TMEM196: variants seen among roughly 807,000 people sequenced by gnomAD.
The protein encoded by TMEM196 is transmembrane protein 196.
Under a neutral mutation model 20.0 loss-of-function variants are expected in TMEM196, and 17 were observed. That is an observed-to-expected ratio of 0.85 (90% CI 0.58 to 1.27). The LOEUF (loss-of-function observed/expected upper bound fraction) is 1.27, where lower values mean the gene tolerates loss of function less well. Among genes scored for constraint, TMEM196 ranks in the 50% most tolerant of loss-of-function variants. The pLI is 0.00. For synonymous variants in TMEM196, 113 were observed against 88.9 expected (o/e 1.27, Z -1.52); for missense variants, 267 against 223.0 (o/e 1.20, Z -1.26).
chr7:19,733,259 T>C (rs1784277267), intron 1 of TMEM196, among the ~76,000 whole-genome samples: 3 of 152,210 alleles, frequency 2.0e-5, no homozygotes. Flanking sequence ...GGATTTTCTT[T>C]ATGTAAAGTC....
intron 1 of TMEM196, among the ~76,000 whole-genome samples, chr7:19,758,840 A>G (rs948256255): frequency 2.0e-5 from 3 of 152,132 alleles, no homozygotes; most frequent in African/African-American, 7.2e-5. Context: ...ATCTTCACTC[A>G]TACTTGACTT....
chr7:19,755,498 T>C (rs942482421), intron 1 of TMEM196, among the ~76,000 whole-genome samples: 1 of 152,130 alleles, frequency 6.6e-6, no homozygotes, highest in Non-Finnish European at 1.5e-5. Flanking sequence ...GAAATCCCAC[T>C]AATAAAAAGT....
intron 2 of TMEM196, among the ~76,000 whole-genome samples, chr7:19,725,982 CCA>C (rs1351918373): frequency 2.6e-5 from 4 of 152,098 alleles, no homozygotes; most frequent in Admixed American, 2.0e-4. Flanking sequence ...AGGGAGTATA[CCA>C]CAGTGTTTCA....
In TMEM196 at chr7:19,773,068, CTCCGCAGGGAAA is replaced by C; in HGVS notation, c.-384_-373del. The stretch of plus-strand genomic sequence containing the variant: ...TCCAGAGTTCTGCCGCGTCCCAAAT[CTCCGCAGGGAAA>C]CCCGCGCCCTCCTCAGCCTACTAGA... On this transcript the variant is annotated 5_prime_UTR_variant, in exon 1 of 5. Transcript: ENST00000405844. 5.7e-6 allele frequency: 1 copy of C among 176,250 alleles called. No individual in the cohort carries two copies. The highest frequency in any genetic ancestry group is 1.5e-4 in the East Asian group (1 of 6,838). 10.9% of individuals were successfully genotyped at this position (176,250 alleles called of 1,614,324 possible). A position where few individuals can be genotyped will look rare whatever the true frequency, so the allele number is the denominator to read the frequency against.
At chr7:19,762,874 G>A (rs1785489853) in intron 1 of TMEM196, among the ~76,000 whole-genome samples, 1 of 152,164 alleles carries the variant, frequency 6.6e-6, no homozygotes, top group Admixed American at 6.5e-5. Context: ...ACAGATGAAT[G>A]TTCATCCAAC....
chr7:19,728,847 A>G (rs902583070), intron 2 of TMEM196, among the ~76,000 whole-genome samples: 1 of 152,238 alleles, frequency 6.6e-6, no homozygotes, highest in Admixed American at 6.5e-5. Flanking sequence ...TAGTACCATA[A>G]AACATCTGAA....
chr7:19,753,780 T>A (rs1046212419), intron 1 of TMEM196, among the ~76,000 whole-genome samples: 1 of 152,202 alleles, frequency 6.6e-6, no homozygotes, highest in Non-Finnish European at 1.5e-5. Flanking sequence ...GCCTACCTCT[T>A]CAAGCTCCCT....
intron 1 of TMEM196, among the ~76,000 whole-genome samples, chr7:19,750,561 A>G (rs918617948): frequency 6.6e-6 from 1 of 152,162 alleles, no homozygotes; most frequent in Non-Finnish European, 1.5e-5. Flanking sequence ...GGGGTTGTAA[A>G]TACTTTTAAG....
intron 1 of TMEM196, among the ~76,000 whole-genome samples, chr7:19,745,475 C>T (rs1409355067): frequency 6.6e-6 from 1 of 151,814 alleles, no homozygotes; most frequent in East Asian, 1.9e-4. Flanking sequence ...TTCACCTTTC[C>T]CTGAAGATTC....
Position 19,725,652 on chromosome 7 carries a change from G to A in TMEM196, c.321C>T (p.Ser107=). ...CGATCCCAATGCACGCGAGAGACAT[G>A]GAGGCAAGGTGCAGTGGGTATAGGG... is the stretch of plus-strand genomic sequence containing the variant. ...TSSLYPLHLA[S]MSLACIGIGG... is the part of the protein sequence containing the mutation. The change falls in exon 3 of 5, where the codon TCC becomes TCT. Residue 107 remains serine (S), a synonymous_variant. Coordinates refer to ENST00000405844, the MANE Select transcript of TMEM196 (RefSeq NM_001363562.2). The A allele has an allele frequency of 5.6e-6, 9 of 1,614,128 alleles. No individual in the cohort carries two copies. The highest frequency in any genetic ancestry group is 7.6e-6 in the Non-Finnish European group (9 of 1,179,986).
chr7:19,721,713 C>T lies in TMEM196; in HGVS notation c.*415G>A, dbSNP rs1180297177. 1 of 164,734 alleles carries T rather than the reference C, an allele frequency of 6.1e-6. No individual in the cohort carries two copies. The highest frequency in any genetic ancestry group is 1.8e-4 in the East Asian group (1 of 5,678). The allele number at this position is 164,734 out of a possible 1,614,324, so 10.2% of individuals were successfully genotyped here. On this transcript the variant is annotated 3_prime_UTR_variant, in exon 5 of 5. Coordinates refer to ENST00000405844, the MANE Select transcript of TMEM196 (RefSeq NM_001363562.2). Reference sequence around the variant, plus strand: ...AGTTATTTTTATTTCTTGATATTTGCACTTTTCAATTACTCATATGAAATA... The same window carrying T: ...AGTTATTTTTATTTCTTGATATTTGTACTTTTCAATTACTCATATGAAATA...
At chr7:19,771,174 A>G (rs1342419467) in intron 1 of TMEM196, among the ~76,000 whole-genome samples, 4 of 152,204 alleles carry the variant, frequency 2.6e-5, no homozygotes, top group Non-Finnish European at 5.9e-5. Context: ...ATGAACAATT[A>G]TCAGATTTAA....
chr7:19,731,683 A>G (rs1460006397), intron 1 of TMEM196, among the ~76,000 whole-genome samples: 1 of 152,222 alleles, frequency 6.6e-6, no homozygotes, highest in Non-Finnish European at 1.5e-5. Flanking sequence ...GGTGGTCAGG[A>G]GCATAAGCAG....
intron 1 of TMEM196, among the ~76,000 whole-genome samples, chr7:19,770,407 G>T (rs1785822562): frequency 2.0e-5 from 3 of 152,156 alleles, no homozygotes. Context: ...TGAGGTAGTT[G>T]AGACTGTACC....
intron 1 of TMEM196, among the ~76,000 whole-genome samples, chr7:19,733,211 A>G (rs1052222009): frequency 1.3e-5 from 2 of 152,340 alleles, no homozygotes; most frequent in Admixed American, 6.5e-5. Flanking sequence ...GTTGGACGAA[A>G]TGACATGATT....
In TMEM196 at chr7:19,720,271, G is replaced by A. The variant is rs1270558811; in HGVS notation, c.*1857C>T. 1 of 151,960 alleles carries A rather than the reference G, an allele frequency of 6.6e-6. No homozygotes were observed. Among genetic ancestry groups the A allele is most frequent in the African/African-American group, 2.4e-5 (1 of 41,436 alleles). 9.4% of individuals were successfully genotyped at this position (151,960 alleles called of 1,614,324 possible). On this transcript the variant is annotated 3_prime_UTR_variant, in exon 5 of 5. Coordinates refer to ENST00000405844, the MANE Select transcript of TMEM196 (RefSeq NM_001363562.2). ...AAGTGCACCAAACAAGCAGAGTCCA[G>A]TTATTTCTGTTGAATAGATGACAGC... is the stretch of plus-strand genomic sequence containing the variant.
Position 19,772,772 on chromosome 7 carries a change from T to A in TMEM196, c.-76A>T. 3 of 1,332,140 alleles carry A rather than the reference T, an allele frequency of 2.3e-6. No individual in the cohort carries two copies. The highest frequency in any genetic ancestry group is 3.8e-5 in the South Asian group (2 of 52,946). 82.5% of individuals were successfully genotyped at this position (1,332,140 alleles called of 1,614,324 possible). On this transcript the variant is annotated 5_prime_UTR_variant, in exon 1 of 5. Coordinates refer to ENST00000405844, the MANE Select transcript of TMEM196 (RefSeq NM_001363562.2). ...CCTTTTTTTCTTCCACTATCCTCCTTACCCCTTCCACCCCCTACCAGATCC... is the reference window on the plus strand; with the variant it reads ...CCTTTTTTTCTTCCACTATCCTCCTAACCCCTTCCACCCCCTACCAGATCC...
chr7:19,749,541 T>G (rs1784881989), intron 1 of TMEM196, among the ~76,000 whole-genome samples: 1 of 152,164 alleles, frequency 6.6e-6, no homozygotes, highest in South Asian at 2.1e-4. Flanking sequence ...TTTAAATAAA[T>G]TTTTTTGTGT....
intron 1 of TMEM196, among the ~76,000 whole-genome samples, chr7:19,764,161 C>T (rs555339185): frequency 6.6e-6 from 1 of 152,288 alleles, no homozygotes; most frequent in Non-Finnish European, 1.5e-5. Context: ...ATTTAATTTT[C>T]CTCAATTTCA....
Sources: gnomAD v4.1 joint callset for allele counts (sites outside exome capture counted in the v4.1 genomes callset) on GRCh38, gnomAD v4.1.1 for gene constraint, MANE v1.5 for transcripts, NCBI Gene and HGNC (gene_info 2026-07-23, HGNC 2026-07-21) for gene names.